Variants in ARB2A observed in about 807,000 individuals in gnomAD.
ARB2A encodes cotranscriptional regulator ARB2A.
the ARB2A span, among the ~76,000 whole-genome samples, chr5:93,706,512 G>A: frequency 6.6e-6 from 1 of 152,154 alleles, no homozygotes; most frequent in African/African-American, 2.4e-5. Context: ...GGAAATTACT[G>A]AACTGTGCTC....
At chr5:93,914,948 T>C in the ARB2A span, among the ~76,000 whole-genome samples, 2 of 152,070 alleles carry the variant, frequency 1.3e-5, no homozygotes, top group East Asian at 1.9e-4. Flanking sequence ...TAAACGTGAA[T>C]GGAACGAAAT....
At chr5:94,026,267 G>A in the ARB2A span, among the ~76,000 whole-genome samples, 14 of 152,028 alleles carry the variant, frequency 9.2e-5, no homozygotes, top group Non-Finnish European at 1.3e-4. Context: ...GCTTCCCGTC[G>A]TATGGGGTGG....
the ARB2A span, among the ~76,000 whole-genome samples, chr5:93,998,933 C>G: frequency 1.3e-5 from 2 of 151,958 alleles, no homozygotes; most frequent in East Asian, 3.8e-4. Context: ...TTATTCTTTT[C>G]TTAGACAGGT....
chr5:93,773,194 G>A, the ARB2A span, among the ~76,000 whole-genome samples: 2 of 152,164 alleles, frequency 1.3e-5, no homozygotes, highest in Non-Finnish European at 2.9e-5. Context: ...GTTCCAAAAA[G>A]GAGATATGTT....
the ARB2A span, among the ~76,000 whole-genome samples, chr5:93,662,173 G>T: frequency 6.6e-6 from 1 of 152,096 alleles, no homozygotes; most frequent in South Asian, 2.1e-4. Context: ...AGATTTCAGG[G>T]TGAAATCTAG....
the ARB2A span, among the ~76,000 whole-genome samples, chr5:93,885,024 G>C: frequency 6.6e-6 from 1 of 151,426 alleles, no homozygotes; most frequent in Non-Finnish European, 1.5e-5. Flanking sequence ...AAACTAAAGA[G>C]TCAAAGAAAA....
the ARB2A span, chr5:93,621,180 C>G: frequency 5.3e-6 from 8 of 1,521,600 alleles, no homozygotes; most frequent in East Asian, 1.8e-4. Context: ...GGGCCAGGCG[C>G]GGTGAGGGCG....
the ARB2A span, among the ~76,000 whole-genome samples, chr5:94,057,010 T>C: frequency 6.6e-6 from 1 of 152,178 alleles, no homozygotes; most frequent in African/African-American, 2.4e-5. Context: ...TAAAGGAGAA[T>C]TCACTCTCTC....
At chr5:94,002,107 A>ATATCC in the ARB2A span, among the ~76,000 whole-genome samples, 2 of 152,134 alleles carry the variant, frequency 1.3e-5, no homozygotes, top group South Asian at 4.1e-4. Flanking sequence ...TCTAGATAAA[A>ATATCC]GGATAGAGTT....
At chr5:93,722,791 A>C in the ARB2A span, among the ~76,000 whole-genome samples, 1 of 152,062 alleles carries the variant, frequency 6.6e-6, no homozygotes, top group African/African-American at 2.4e-5. Flanking sequence ...GTAAACATAA[A>C]CAAAAGCCAC....
At chr5:93,867,798 A>G in the ARB2A span, among the ~76,000 whole-genome samples, 5 of 152,106 alleles carry the variant, frequency 3.3e-5, no homozygotes, top group African/African-American at 1.2e-4. Context: ...CTTTGTTTTC[A>G]TATGTTCCCT....
chr5:94,110,618 A>C, the ARB2A span, among the ~76,000 whole-genome samples: 2 of 152,212 alleles, frequency 1.3e-5, no homozygotes, highest in African/African-American at 2.4e-5. Flanking sequence ...CATTCGCTAA[A>C]TGTATACAGT....
chr5:93,761,417 C>A, the ARB2A span, among the ~76,000 whole-genome samples: 1 of 152,216 alleles, frequency 6.6e-6, no homozygotes. Context: ...ATATCCCGCA[C>A]GTGGCTCAGA....
At chr5:93,806,448 T>TGAAAATATATAAGA in the ARB2A span, among the ~76,000 whole-genome samples, 1 of 151,916 alleles carries the variant, frequency 6.6e-6, no homozygotes, top group Admixed American at 6.6e-5. Flanking sequence ...AAGATCATAT[T>TGAAAATATATAAGA]TCCTCATATA....
the ARB2A span, among the ~76,000 whole-genome samples, chr5:94,035,075 G>T: frequency 6.6e-6 from 1 of 152,062 alleles, no homozygotes; most frequent in Non-Finnish European, 1.5e-5. Context: ...TGCCAAAAAG[G>T]TTGGGAACTG....
At chr5:93,774,471 C>T in the ARB2A span, among the ~76,000 whole-genome samples, 1 of 152,196 alleles carries the variant, frequency 6.6e-6, no homozygotes, top group Non-Finnish European at 1.5e-5. Flanking sequence ...AAAAGTGCTA[C>T]TCATGGGCAG....
chr5:93,975,115 C>T, the ARB2A span, among the ~76,000 whole-genome samples: 1 of 151,808 alleles, frequency 6.6e-6, no homozygotes, highest in African/African-American at 2.4e-5. Flanking sequence ...GAGATGGAGA[C>T]CACCCTGGCT....
At chr5:93,940,510 T>G in the ARB2A span, among the ~76,000 whole-genome samples, 1 of 151,994 alleles carries the variant, frequency 6.6e-6, no homozygotes, top group Non-Finnish European at 1.5e-5. Flanking sequence ...TTAGAATTTC[T>G]AATATGTATT....
chr5:93,629,682 C>CA, the ARB2A span, among the ~76,000 whole-genome samples: 4 of 151,990 alleles, frequency 2.6e-5, no homozygotes, highest in Non-Finnish European at 5.9e-5. Context: ...CCCTGCCCCC[C>CA]ACAAAATAAT....
Sources: gnomAD v4.1 joint callset for allele counts (sites outside exome capture counted in the v4.1 genomes callset) on GRCh38, gnomAD v4.1.1 for gene constraint, MANE v1.5 for transcripts, NCBI Gene and HGNC (gene_info 2026-07-23, HGNC 2026-07-21) for gene names.